The following C11orf58 variants were observed in gnomAD, a reference collection of about 807,000 sequenced individuals.
C11orf58 encodes small acidic protein.
Under a neutral mutation model 22.7 loss-of-function variants are expected in C11orf58, and 5 were observed. The ratio of observed to expected loss-of-function variants is 0.22; its 90% confidence interval spans 0.12 to 0.46. C11orf58 has a LOEUF of 0.46. Among genes scored for constraint, C11orf58 ranks in the 20% least tolerant of loss-of-function variants. The probability of loss-of-function intolerance (pLI) is 0.99; values close to 1 mark genes in which losing one functional copy is unlikely to be tolerated. For missense variants in C11orf58, 151 were observed against 223.3 expected (o/e 0.68, Z 2.06); for synonymous variants, 71 against 70.7 (o/e 1.00, Z -0.02).
chr11:16,742,530 A>G (rs1045207298), intron 1 of C11orf58, among the ~76,000 whole-genome samples: 73 of 152,320 alleles, frequency 4.8e-4, no homozygotes, highest in African/African-American at 1.2e-3. Flanking sequence ...GGGGGGTCAC[A>G]TGGAAAAAAG....
rs73421154 is a variant in C11orf58, at chr11:16,744,706, T to C, written c.147+22T>C. 2.6e-4 allele frequency: 414 copies of C among 1,600,552 alleles called. 1 individual carries two copies. The African/African-American group carries it at 3.2e-3, about 12-fold the overall frequency. On this transcript the variant is annotated intron_variant, in intron 2 of 4. Transcript: ENST00000228136. Reference sequence around the variant, plus strand: ...AAAGGTAAGCATCAGATGGTGTGCATTTTTACCTTTTCTGTGAAAATATTG... The same window carrying C: ...AAAGGTAAGCATCAGATGGTGTGCACTTTTACCTTTTCTGTGAAAATATTG...
intron 4 of C11orf58, 75 bp from the exon 5 acceptor site, chr11:16,754,796 A>G (rs1233384844): frequency 6.4e-7 from 1 of 1,573,576 alleles, no homozygotes; most frequent in East Asian, 2.2e-5. Context: ...TAAGACCGAC[A>G]GAACTTACGG....
chr11:16,742,388 A>T (rs1848455229), intron 1 of C11orf58, among the ~76,000 whole-genome samples: 1 of 152,228 alleles, frequency 6.6e-6, no homozygotes, highest in African/African-American at 2.4e-5. Flanking sequence ...AGGAGTTAAA[A>T]TTAAGTTAAA....
At chr11:16,749,660 AT>A in intron 3 of C11orf58, 1 of 152,352 alleles carries the variant, frequency 6.6e-6, no homozygotes, top group South Asian at 2.1e-4. Context: ...CATGAACCCT[AT>A]TGTGAACTGT....
At chr11:16,743,900 A>C (rs539798246) in intron 1 of C11orf58, among the ~76,000 whole-genome samples, 106 of 152,234 alleles carry the variant, frequency 7.0e-4, no homozygotes, top group African/African-American at 2.4e-3. Flanking sequence ...TTAGATTTAT[A>C]AGAGTTCAGT....
intron 3 of C11orf58, among the ~76,000 whole-genome samples, chr11:16,748,753 A>G: frequency 6.6e-6 from 1 of 152,044 alleles, no homozygotes; most frequent in Non-Finnish European, 1.5e-5. Flanking sequence ...TCCAAAAAAA[A>G]AAATTAGAAA....
intron 2 of C11orf58, among the ~76,000 whole-genome samples, chr11:16,746,144 TC>T (rs1254487376): frequency 6.6e-6 from 1 of 152,188 alleles, no homozygotes; most frequent in Non-Finnish European, 1.5e-5. Flanking sequence ...CAAGAAAGCT[TC>T]CCCAAAATAG....
At chr11:16,746,050 A>C (rs979282700) in intron 2 of C11orf58, among the ~76,000 whole-genome samples, 1 of 152,254 alleles carries the variant, frequency 6.6e-6, no homozygotes, top group African/African-American at 2.4e-5. Flanking sequence ...AGATAATAGC[A>C]ATACAGAATT....
At chr11:16,743,948 G>T (rs950569573) in intron 1 of C11orf58, among the ~76,000 whole-genome samples, 15 of 150,976 alleles carry the variant, frequency 9.9e-5, no homozygotes, top group African/African-American at 2.9e-4. Context: ...ATGAGTTTTA[G>T]TCTGTTCTTT....
In C11orf58 at chr11:16,757,568, GA is replaced by G. The variant is rs1359625479; in HGVS notation, c.*2471del. On this transcript the variant is annotated 3_prime_UTR_variant, in exon 5 of 5. Coordinates refer to ENST00000228136, the MANE Select transcript of C11orf58 (RefSeq NM_014267.6). ...CATGTGGGTTTTTTAAATCAAATTG[GA>G]AAAAAATTAGACAACTGATGTCATG... Among the ~76,000 whole-genome samples the G allele has an allele frequency of 1.3e-5, 2 of 151,930 alleles. No individual in the cohort carries two copies. Among genetic ancestry groups the G allele is most frequent in the African/African-American group, 4.8e-5 (2 of 41,372 alleles).
intron 1 of C11orf58, among the ~76,000 whole-genome samples, chr11:16,740,964 C>G (rs190942740): frequency 1.3e-5 from 2 of 151,722 alleles, no homozygotes; most frequent in African/African-American, 4.8e-5. Context: ...GGCGTGGTAG[C>G]GGGCGCCTGT....
chr11:16,757,127 G>A lies in C11orf58; in HGVS notation c.*2023G>A, dbSNP rs1848586153. On this transcript the variant is annotated 3_prime_UTR_variant, in exon 5 of 5. Transcript: ENST00000228136. ...TCACTTTATAGTAGACAATACATAT[G>A]ACATTTAACAAATACTTGGTTTGAA... is the stretch of plus-strand genomic sequence containing the variant. 6.6e-6 allele frequency among the ~76,000 whole-genome samples: 1 copy of A among 150,678 alleles called. No homozygotes were observed. Among genetic ancestry groups the A allele is most frequent in the African/African-American group, 2.4e-5 (1 of 41,028 alleles).
At chr11:16,744,050 T>TAA (rs554214406) in intron 1 of C11orf58, among the ~76,000 whole-genome samples, 66 of 108,130 alleles carry the variant, frequency 6.1e-4, no homozygotes, top group African/African-American at 1.7e-3. Flanking sequence ...CTAGAACTGC[T>TAA]AAAAAAAAAA....
rs1320245141 is a variant in C11orf58, at chr11:16,755,642, T to C, written c.*538T>C. The C allele has an allele frequency of 6.5e-6, 1 of 152,764 alleles. No homozygotes were observed. The highest frequency in any genetic ancestry group is 1.5e-5 in the Non-Finnish European group (1 of 68,168). The allele number at this position is 152,764 out of a possible 1,614,324, so 9.5% of individuals were successfully genotyped here. On this transcript the variant is annotated 3_prime_UTR_variant, in exon 5 of 5. Transcript: ENST00000228136. ...CCAAAGCAACATGAGAGCAAGTACT[T>C]TTCACACTTGTTAAGATGGAGTTAT...
At position 16,756,767 on chromosome 11, in the gene C11orf58, G is replaced by A. The variant is rs1450135898; in HGVS notation, c.*1663G>A. On this transcript the variant is annotated 3_prime_UTR_variant, in exon 5 of 5. Transcript: ENST00000228136. ...CTACTAAAAATACAAAATTAGCTGG[G>A]CGTGGTGGTGCATGCCTGTAATCCC... 1 of 151,650 alleles carries A rather than the reference G, an allele frequency of 6.6e-6. No individual in the cohort carries two copies. Among genetic ancestry groups the A allele is most frequent in the African/African-American group, 2.4e-5 (1 of 41,272 alleles). The allele number at this position is 151,650 out of a possible 1,614,324, so 9.4% of individuals were successfully genotyped here.
Position 16,752,888 on chromosome 11 carries a change from C to T in C11orf58, c.312C>T (p.Phe104=), listed in dbSNP as rs759469769. 6.2e-7 allele frequency: 1 copy of T among 1,605,230 alleles called. No individual in the cohort carries two copies. The highest frequency in any genetic ancestry group is 8.5e-7 in the Non-Finnish European group (1 of 1,174,750). ...GRYRRHCGLG[F]SEVEDHDGEG... ...ATCGGCGACATTGTGGACTTGGCTT[C>T]AGTGAGGTAGTAATTAACTTATTTT... The change falls in exon 4 of 5, where the codon TTC becomes TTT. Residue 104 remains phenylalanine, a synonymous_variant. Coordinates refer to ENST00000228136, the MANE Select transcript of C11orf58 (RefSeq NM_014267.6).
At position 16,755,939 on chromosome 11, in the gene C11orf58, G is replaced by A. The variant is rs751494936; in HGVS notation, c.*835G>A. On this transcript the variant is annotated 3_prime_UTR_variant, in exon 5 of 5. Coordinates refer to ENST00000228136, the MANE Select transcript of C11orf58 (RefSeq NM_014267.6). ...CTCATTATCTACAAATGAGGAACAG[G>A]CTTACTGATAAGAAGCTGAAACAAG... The A allele has an allele frequency of 7.2e-5, 11 of 152,502 alleles. No individual in the cohort carries two copies. Among genetic ancestry groups the A allele is most frequent in the Non-Finnish European group, 1.5e-4 (10 of 67,996 alleles). 9.4% of individuals were successfully genotyped at this position (152,502 alleles called of 1,614,324 possible).
intron 4 of C11orf58, chr11:16,753,992 C>A: frequency 2.1e-6 from 1 of 466,364 alleles, no homozygotes; most frequent in Middle Eastern, 2.9e-4. Flanking sequence ...CCATGTCCGG[C>A]CAGGGCACAT....
intron 1 of C11orf58, among the ~76,000 whole-genome samples, chr11:16,742,177 A>G (rs1012719344): frequency 6.6e-6 from 1 of 152,210 alleles, no homozygotes; most frequent in Non-Finnish European, 1.5e-5. Context: ...CAGAATCAAG[A>G]AAGTTGGTTT....
Sources: allele counts gnomAD v4.1 joint callset (sites outside exome capture counted in the v4.1 genomes callset), GRCh38; gene constraint gnomAD v4.1.1; transcripts MANE v1.5; gene names NCBI Gene and HGNC (gene_info 2026-07-23, HGNC 2026-07-21).